Variants in PID1 observed in about 807,000 individuals in gnomAD.
The protein encoded by PID1 is PTB-containing, cubilin and LRP1-interacting protein.
PID1 carries 10 observed loss-of-function variants against 19.1 expected under a neutral mutation model. The observed-to-expected ratio is 0.52, with a 90% CI of 0.32 to 0.89. PID1 has a LOEUF of 0.89. Ranked by LOEUF, PID1 falls within the 40% of genes least tolerant of loss-of-function variation. The pLI is 0.03. For missense variants in PID1, 248 were observed against 285.3 expected, an observed-to-expected ratio of 0.87 and a Z score of 0.94; for synonymous variants, 130 against 116.0, an observed-to-expected ratio of 1.12 and a Z score of -0.78.
chr2:229,266,661 C>T (rs1335667394), intron 1 of PID1, among the ~76,000 whole-genome samples: 1 of 152,190 alleles, frequency 6.6e-6, no homozygotes, highest in Non-Finnish European at 1.5e-5. Flanking sequence ...GTTCAAACTC[C>T]AGCTCAGTTC....
chr2:229,067,106 T>C (rs927381931), intron 2 of PID1, among the ~76,000 whole-genome samples: 11 of 152,042 alleles, frequency 7.2e-5, no homozygotes, highest in African/African-American at 2.4e-4. Flanking sequence ...CTTCTTCACA[T>C]TGGGGCAGGA....
chr2:229,032,339 T>G (rs1307626332), intron 2 of PID1, among the ~76,000 whole-genome samples: 1 of 152,220 alleles, frequency 6.6e-6, no homozygotes, highest in East Asian at 1.9e-4. Flanking sequence ...GAACTCAATG[T>G]GCAAGGCTGC....
At chr2:229,059,066 A>G (rs1413698240) in intron 2 of PID1, among the ~76,000 whole-genome samples, 1 of 152,238 alleles carries the variant, frequency 6.6e-6, no homozygotes. Context: ...AAACAAAATG[A>G]AAAACCCAAG....
At chr2:229,070,641 G>T (rs1340424288) in intron 2 of PID1, among the ~76,000 whole-genome samples, 1 of 152,164 alleles carries the variant, frequency 6.6e-6, no homozygotes, top group Non-Finnish European at 1.5e-5. Context: ...TACCAAGAGG[G>T]CATGAAAATG....
chr2:229,198,767 C>A (rs1333226981), intron 1 of PID1, among the ~76,000 whole-genome samples: 1 of 151,984 alleles, frequency 6.6e-6, no homozygotes, highest in Non-Finnish European at 1.5e-5. Flanking sequence ...CAAATGCAAC[C>A]ACTGCTTACT....
At chr2:229,088,008 C>A (rs1027163513) in intron 2 of PID1, among the ~76,000 whole-genome samples, 3 of 152,074 alleles carry the variant, frequency 2.0e-5, no homozygotes, top group Non-Finnish European at 4.4e-5. Flanking sequence ...CTGCAGAAAT[C>A]CCAGAATAGA....
chr2:229,234,218 C>T (rs1441174433), intron 1 of PID1, among the ~76,000 whole-genome samples: 1 of 152,116 alleles, frequency 6.6e-6, no homozygotes. Flanking sequence ...GAAAGAAATA[C>T]AAAAAGAAGA....
rs779304831 is a variant in PID1, at chr2:229,185,952, T to C, written c.31-29988A>G. Among the ~76,000 whole-genome samples the C allele has an allele frequency of 5.3e-5, 8 of 152,332 alleles. No individual in the cohort carries two copies. In the Middle Eastern group the frequency reaches 0.01, roughly 194 times the overall value. On this transcript the variant is annotated intron_variant, in intron 1 of 2. Coordinates refer to ENST00000392055, the MANE Select transcript of PID1 (RefSeq NM_001100818.2). The stretch of plus-strand genomic sequence containing the variant: ...TCTCATCCAAGACAAGTCAGGTCCC[T>C]TCTGCCTACGAGCCTGTAAAATCAA...
chr2:229,271,098 GGGGGGCGA>G lies in PID1; in HGVS notation c.-63_-56del. On this transcript the variant is annotated 5_prime_UTR_variant, in exon 1 of 3. Coordinates refer to ENST00000392055, the MANE Select transcript of PID1 (RefSeq NM_001100818.2). ...CGCTGGCGAGACTGTCGATCGCGCCGGGGGGCGAGGGGCTGGGGTCCCGCTTTACATCT... is the reference window on the plus strand; with the variant it reads ...CGCTGGCGAGACTGTCGATCGCGCCGGGGGCTGGGGTCCCGCTTTACATCT... 2.0e-6 allele frequency: 3 copies of G among 1,524,140 alleles called. No homozygotes were observed. Among genetic ancestry groups the G allele is most frequent in the Non-Finnish European group, 2.7e-6 (3 of 1,129,760 alleles). 94.4% of individuals were successfully genotyped at this position (1,524,140 alleles called of 1,614,324 possible).
At chr2:229,196,119 T>C (rs939527288) in intron 1 of PID1, among the ~76,000 whole-genome samples, 3 of 152,040 alleles carry the variant, frequency 2.0e-5, no homozygotes, top group Admixed American at 1.3e-4. Flanking sequence ...AAAGACACTA[T>C]ATGGAATCTA....
intron 2 of PID1, among the ~76,000 whole-genome samples, chr2:229,145,286 A>G (rs1223884082): frequency 6.6e-6 from 1 of 150,820 alleles, no homozygotes; most frequent in Non-Finnish European, 1.5e-5. Context: ...ATCTTTGGAG[A>G]GTCTCTAAGA....
intron 1 of PID1, among the ~76,000 whole-genome samples, chr2:229,210,416 G>T (rs1691703011): frequency 8.9e-6 from 1 of 112,894 alleles, no homozygotes; most frequent in Admixed American, 1.1e-4. Context: ...GGGAGAGTGA[G>T]GCAGGCAGCA....
chr2:229,232,664 T>C (rs1432519861), intron 1 of PID1, among the ~76,000 whole-genome samples: 1 of 148,142 alleles, frequency 6.8e-6, no homozygotes, highest in East Asian at 2.0e-4. Flanking sequence ...TGTGTGTGTA[T>C]GCATGTGTGT....
chr2:229,240,195 A>G (rs1689836615), intron 1 of PID1, among the ~76,000 whole-genome samples: 1 of 152,186 alleles, frequency 6.6e-6, no homozygotes, highest in South Asian at 2.1e-4. Flanking sequence ...CAATATCATG[A>G]AAATAAAAAT....
chr2:229,269,367 C>T (rs190091432), intron 1 of PID1, among the ~76,000 whole-genome samples: 10 of 152,344 alleles, frequency 6.6e-5, no homozygotes, highest in East Asian at 1.9e-4. Context: ...CAAGCGAGAG[C>T]GCCCACCTGC....
chr2:229,108,884 ATAGAG>A (rs1338697538), intron 2 of PID1, among the ~76,000 whole-genome samples: 1 of 152,226 alleles, frequency 6.6e-6, no homozygotes, highest in East Asian at 1.9e-4. Flanking sequence ...AGGCTCAATA[ATAGAG>A]TAATGAGGCT....
chr2:229,095,367 C>T (rs910518432), intron 2 of PID1, among the ~76,000 whole-genome samples: 11 of 152,104 alleles, frequency 7.2e-5, no homozygotes, highest in African/African-American at 2.4e-4. Context: ...GTAAACCTCT[C>T]TCAAATTATA....
rs1246511943 is a variant in PID1 at position 229,025,770 on chromosome 2, C to A, written c.516G>T (p.Lys172Asn). 6.2e-7 allele frequency: 1 copy of A among 1,614,246 alleles called. No homozygotes were observed. Among genetic ancestry groups the A allele is most frequent in the South Asian group, 1.1e-5 (1 of 91,090 alleles). ...CGTGGGCCAGTTTCTTGGCCTCGAG[C>A]TTGCTCTCGCACTCCACGGCGTGGC... ...MDCHAVECES[K>N]LEAKKLAHAM... The change falls in exon 3 of 3, where the codon AAG (lysine) becomes AAT (asparagine). Residue 172 changes from lysine (K) to asparagine (N), a missense_variant. Coordinates refer to ENST00000392055, the MANE Select transcript of PID1 (RefSeq NM_001100818.2).
intron 2 of PID1, among the ~76,000 whole-genome samples, chr2:229,111,316 C>A (rs1695294840): frequency 6.6e-6 from 1 of 152,120 alleles, no homozygotes; most frequent in Non-Finnish European, 1.5e-5. Context: ...GATATTGACC[C>A]AGGTAGGAGT....
Sources: gnomAD v4.1 joint callset for allele counts (sites outside exome capture counted in the v4.1 genomes callset) on GRCh38, gnomAD v4.1.1 for gene constraint, MANE v1.5 for transcripts, NCBI Gene and HGNC (gene_info 2026-07-23, HGNC 2026-07-21) for gene names.